The following GPHN variants were observed in gnomAD, a reference collection of about 807,000 sequenced individuals.
GPHN encodes the protein gephyrin.
In GPHN, 17 loss-of-function variants were observed where a neutral mutation model predicts 95.5. That is an observed-to-expected ratio of 0.18 (90% CI 0.12 to 0.27). The LOEUF is 0.27. Ranked by LOEUF, GPHN falls within the 10% of genes least tolerant of loss-of-function variation. The probability of loss-of-function intolerance (pLI) is 1.00; values close to 1 mark genes in which losing one functional copy is unlikely to be tolerated. For synonymous variants in GPHN, 320 were observed against 322.5 expected (o/e 0.99, Z 0.08); for missense variants, 660 against 978.1 (o/e 0.67, Z 4.34).
chr14:66,577,507 T>A (rs2060956023), intron 1 of GPHN, among the ~76,000 whole-genome samples: 1 of 152,164 alleles, frequency 6.6e-6, no homozygotes, highest in Non-Finnish European at 1.5e-5. Flanking sequence ...TGTGCTATGT[T>A]ACAATTATTC....
chr14:67,603,399 T>C, the GPHN span, among the ~76,000 whole-genome samples: 9 of 152,156 alleles, frequency 5.9e-5, no homozygotes, highest in Admixed American at 1.3e-4. Context: ...TATAGAGTTA[T>C]AGAAAGAAAA....
the GPHN span, among the ~76,000 whole-genome samples, chr14:67,626,998 T>C: frequency 6.6e-6 from 1 of 152,134 alleles, no homozygotes; most frequent in Non-Finnish European, 1.5e-5. Flanking sequence ...TCCATTTATA[T>C]GAACTGTCTA....
chr14:66,761,628 T>G (rs1055754464), intron 2 of GPHN, among the ~76,000 whole-genome samples: 1 of 152,120 alleles, frequency 6.6e-6, no homozygotes, highest in African/African-American at 2.4e-5. Flanking sequence ...CACTACACTC[T>G]AGAATTTCCA....
chr14:67,354,266 T>C, the GPHN span, among the ~76,000 whole-genome samples: 1 of 152,338 alleles, frequency 6.6e-6, no homozygotes, highest in South Asian at 2.1e-4. Flanking sequence ...TATTAAATCA[T>C]CATAAATGTT....
chr14:67,437,944 A>ATTTT, the GPHN span, among the ~76,000 whole-genome samples: 1 of 152,066 alleles, frequency 6.6e-6, no homozygotes, highest in Admixed American at 6.6e-5. Context: ...ATTAGACCTC[A>ATTTT]TTTTTATATG....
chr14:66,856,113 T>G (rs2062793337), intron 4 of GPHN, among the ~76,000 whole-genome samples: 1 of 152,126 alleles, frequency 6.6e-6, no homozygotes, highest in Non-Finnish European at 1.5e-5. Context: ...AAAAGTGAAT[T>G]CAGTAAAATA....
At chr14:67,173,480 A>T (rs146505671) in intron 21 of GPHN, among the ~76,000 whole-genome samples, 1 of 152,168 alleles carries the variant, frequency 6.6e-6, no homozygotes, top group South Asian at 2.1e-4. Context: ...AAGATGCTGC[A>T]TGGAAACTAT....
the GPHN span, among the ~76,000 whole-genome samples, chr14:67,303,826 G>A: frequency 5.9e-5 from 9 of 152,056 alleles, no homozygotes; most frequent in East Asian, 1.7e-3. Flanking sequence ...AGAGTGCAGT[G>A]GTGTGATCTT....
At chr14:67,257,302 C>T in the GPHN span, among the ~76,000 whole-genome samples, 4 of 152,102 alleles carry the variant, frequency 2.6e-5, no homozygotes, top group Non-Finnish European at 5.9e-5. Flanking sequence ...TGACTGAGTT[C>T]TGTCTGTCCT....
the GPHN span, chr14:67,685,144 T>C: frequency 2.5e-6 from 4 of 1,613,982 alleles, no homozygotes; most frequent in Non-Finnish European, 3.4e-6. Context: ...GAAAGATGAG[T>C]GCCGAACCAG....
the GPHN span, chr14:67,200,494 A>C: frequency 2.8e-6 from 1 of 353,142 alleles, no homozygotes; most frequent in Non-Finnish European, 5.1e-6. Flanking sequence ...TTTCTTTTTT[A>C]TGTTGGTCCT....
intron 12 of GPHN, among the ~76,000 whole-genome samples, chr14:67,091,377 C>G (rs1445844601): frequency 6.6e-6 from 1 of 150,840 alleles, no homozygotes; most frequent in Non-Finnish European, 1.5e-5. Context: ...ACTGGCTCTT[C>G]TAGTTTCTTT....
chr14:67,530,923 G>A, the GPHN span, among the ~76,000 whole-genome samples: 4 of 152,298 alleles, frequency 2.6e-5, no homozygotes, highest in East Asian at 5.8e-4. Flanking sequence ...CACCTCTCAC[G>A]TCCCATGGCA....
the GPHN span, chr14:67,279,188 G>C: frequency 6.3e-7 from 1 of 1,598,506 alleles, no homozygotes; most frequent in South Asian, 1.1e-5. Context: ...CATCCCATAT[G>C]AATGGGCATG....
the GPHN span, among the ~76,000 whole-genome samples, chr14:67,533,146 GGGA>G: frequency 3.3e-5 from 5 of 152,160 alleles, no homozygotes; most frequent in Non-Finnish European, 2.9e-5. Flanking sequence ...GGGAGCCGAG[GGGA>G]GGAGGGCGCC....
At chr14:66,621,878 G>A (rs1595279313) in intron 1 of GPHN, among the ~76,000 whole-genome samples, 1 of 152,164 alleles carries the variant, frequency 6.6e-6, no homozygotes, top group African/African-American at 2.4e-5. Flanking sequence ...TCATTGGCTA[G>A]TAGTGACTGT....
intron 1 of GPHN, among the ~76,000 whole-genome samples, chr14:66,661,736 T>A (rs896691767): frequency 4.0e-5 from 6 of 151,444 alleles, no homozygotes; most frequent in Non-Finnish European, 8.8e-5. Flanking sequence ...TATTCTCTGG[T>A]TCACAATGTT....
chr14:67,329,487 T>A, the GPHN span, among the ~76,000 whole-genome samples: 1 of 152,194 alleles, frequency 6.6e-6, no homozygotes, highest in East Asian at 1.9e-4. Context: ...CCTGCCTGAT[T>A]GCCCTGGCCA....
chr14:67,061,353 A>G (rs761343440), intron 11 of GPHN, among the ~76,000 whole-genome samples: 3 of 151,996 alleles, frequency 2.0e-5, no homozygotes, highest in Non-Finnish European at 4.4e-5. Flanking sequence ...GGTCTTTATT[A>G]TTAACTTCCT....
Sources: allele counts gnomAD v4.1 joint callset (sites outside exome capture counted in the v4.1 genomes callset), GRCh38; gene constraint gnomAD v4.1.1; transcripts MANE v1.5; gene names NCBI Gene and HGNC (gene_info 2026-07-23, HGNC 2026-07-21).